Variants in CD69 observed in about 807,000 individuals in gnomAD.
CD69 encodes early activation antigen CD69.
A neutral mutation model predicts 21.4 loss-of-function variants in CD69; 10 were observed. The ratio of observed to expected loss-of-function variants is 0.47; its 90% CI spans 0.29 to 0.79. The LOEUF (loss-of-function observed/expected upper bound fraction) is 0.79. Among genes scored for constraint, CD69 ranks in the 30% least tolerant of loss-of-function variants. The probability of loss-of-function intolerance (pLI) is 0.09; values close to 1 mark genes in which losing one functional copy is unlikely to be tolerated. For missense variants in CD69, 204 were observed against 236.9 expected (o/e 0.86, Z 0.91); for synonymous variants, 63 against 78.2 (o/e 0.81, Z 1.03).
At chr12:9,755,895 A>G (rs1866675151) in intron 2 of CD69, 1 of 153,854 alleles carries the variant, frequency 6.5e-6, no homozygotes. Flanking sequence ...ATAAAACACA[A>G]AAGACTGGCC....
intron 2 of CD69, 23 bp downstream of exon 2, chr12:9,756,274 G>T (rs976248859): frequency 1.9e-6 from 3 of 1,596,696 alleles, no homozygotes; most frequent in African/African-American, 2.7e-5. Context: ...GGCTTTGAAA[G>T]AATTGATGAA....
rs763688311 is a variant in CD69 at position 9,754,639 on chromosome 12, T to A, written c.439A>T (p.Lys147Ter). ...CACTTCCATGGGTGACCAGGTTCCTTTTTCAGTCCAACCCAGTGTTCCTCT... is the reference window on the plus strand; with the variant it reads ...CACTTCCATGGGTGACCAGGTTCCTATTTCAGTCCAACCCAGTGTTCCTCT... ...GREEHWVGLK[K>*]EPGHPWKWSN... Residue 147 changes from lysine to a stop codon, truncating the protein, a stop_gained, in exon 4 of 5, where the codon AAG becomes TAG. Transcript: ENST00000228434. LOFTEE classifies it high-confidence loss of function. 6.2e-7 allele frequency: 1 copy of A among 1,613,248 alleles called. No homozygotes were observed. The highest frequency in any genetic ancestry group is 8.5e-7 in the Non-Finnish European group (1 of 1,179,204).
intron 1 of CD69, among the ~76,000 whole-genome samples, chr12:9,759,586 A>T (rs2160086): frequency 0.49 from 73,562 of 151,498 alleles, 18,207 homozygotes; most frequent in African/African-American, 0.57. Context: ...TTGCATTTGT[A>T]ATCCACACTA....
intron 1 of CD69, among the ~76,000 whole-genome samples, chr12:9,757,057 G>A (rs1866685681): frequency 6.6e-6 from 1 of 152,100 alleles, no homozygotes; most frequent in African/African-American, 2.4e-5. Context: ...TCTAACCTGA[G>A]TGACAGAGTG....
intron 1 of CD69, among the ~76,000 whole-genome samples, chr12:9,759,067 C>G (rs3136570): frequency 0.11 from 16,257 of 151,456 alleles, 874 homozygotes; most frequent in Middle Eastern, 0.18. Flanking sequence ...GTAGCTGGGA[C>G]TACAGGCGCC....
intron 4 of CD69, 116 bp from the exon 5 acceptor site, chr12:9,753,705 A>G (rs1866649827): frequency 2.0e-6 from 1 of 505,286 alleles, no homozygotes. Context: ...AGTGGGATAC[A>G]CAAGTCAAAT....
chr12:9,757,642 A>G (rs546190547), intron 1 of CD69, among the ~76,000 whole-genome samples: 104 of 152,378 alleles, frequency 6.8e-4, no homozygotes, highest in Non-Finnish European at 1.2e-3. Flanking sequence ...GTTGAGTGAA[A>G]AAAAATCCAG....
chr12:9,757,321 G>A (rs1866687740), intron 1 of CD69, among the ~76,000 whole-genome samples: 1 of 152,146 alleles, frequency 6.6e-6, no homozygotes, highest in Non-Finnish European at 1.5e-5. Context: ...TTATTGGTGG[G>A]AGAGTAAATT....
chr12:9,754,661 C>T lies in CD69; in HGVS notation c.417G>A (p.Glu139=). Residue 139 remains glutamate, a synonymous_variant, in exon 4 of 5, where the codon GAG becomes GAA. Coordinates refer to ENST00000228434, the MANE Select transcript of CD69 (RefSeq NM_001781.2). ...CCTTTTTCAGTCCAACCCAGTGTTCCTCTCTACCTGCGTATCGTTTTAGAA... is the reference window on the plus strand; with the variant it reads ...CCTTTTTCAGTCCAACCCAGTGTTCTTCTCTACCTGCGTATCGTTTTAGAA... The part of the protein sequence containing the change: ...MNFLKRYAGR[E]EHWVGLKKEP... The T allele has an allele frequency of 6.2e-7, 1 of 1,611,730 alleles. No individual in the cohort carries two copies. The highest frequency in any genetic ancestry group is 8.5e-7 in the Non-Finnish European group (1 of 1,177,836).
At chr12:9,758,581 G>T (rs1001010428) in intron 1 of CD69, among the ~76,000 whole-genome samples, 2 of 152,174 alleles carry the variant, frequency 1.3e-5, no homozygotes, top group Admixed American at 1.3e-4. Context: ...TCACAGATCG[G>T]CACTCAGATT....
At chr12:9,759,001 C>T (rs1170923056) in intron 1 of CD69, among the ~76,000 whole-genome samples, 1 of 152,020 alleles carries the variant, frequency 6.6e-6, no homozygotes, top group African/African-American at 2.4e-5. Flanking sequence ...GTGATCTCGG[C>T]TCACTGCAAG....
intron 3 of CD69, 47 bp downstream of exon 3, chr12:9,755,015 G>A (rs1205873330): frequency 1.4e-6 from 2 of 1,435,820 alleles, no homozygotes; most frequent in Non-Finnish European, 2.0e-6. Context: ...GCACTGATTA[G>A]CCATATGAAT....
At chr12:9,757,814 A>G (rs1866691592) in intron 1 of CD69, among the ~76,000 whole-genome samples, 1 of 152,234 alleles carries the variant, frequency 6.6e-6, no homozygotes, top group African/African-American at 2.4e-5. Context: ...GGTGATGGAA[A>G]GATTCAAATG....
chr12:9,756,966 G>C (rs1866684955), intron 1 of CD69, among the ~76,000 whole-genome samples: 1 of 152,148 alleles, frequency 6.6e-6, no homozygotes, highest in African/African-American at 2.4e-5. Flanking sequence ...TGTGTTCCCA[G>C]CTACTTGGGA....
rs1866640537 is a variant in CD69, at chr12:9,752,798, G to A, written c.*683C>T. 1.3e-5 allele frequency: 2 copies of A among 152,530 alleles called. No homozygotes were observed. The highest frequency in any genetic ancestry group is 6.5e-5 in the Admixed American group (1 of 15,270). The allele number at this position is 152,530 out of a possible 1,614,324, so 9.4% of individuals were successfully genotyped here. The stretch of plus-strand genomic sequence containing the variant: ...TTATGTCTTTTCTCTGTAAGACACT[G>A]TATAAAAGATTATAAAGGCAAAGAA... On this transcript the variant is annotated 3_prime_UTR_variant, in exon 5 of 5. Coordinates refer to ENST00000228434, the MANE Select transcript of CD69 (RefSeq NM_001781.2).
At chr12:9,756,947 G>A (rs1166071356) in intron 1 of CD69, among the ~76,000 whole-genome samples, 1 of 152,132 alleles carries the variant, frequency 6.6e-6, no homozygotes, top group East Asian at 1.9e-4. Flanking sequence ...GGTCATGGTG[G>A]CACGCACTTG....
rs372400857 is a variant in CD69, at chr12:9,754,673, G to A, written c.405C>T (p.Tyr135=). 11 of 1,608,208 alleles carry A rather than the reference G, an allele frequency of 6.8e-6. No individual in the cohort carries two copies. Among genetic ancestry groups the A allele is most frequent in the African/African-American group, 6.7e-5 (5 of 74,764 alleles). ...CAACCCAGTGTTCCTCTCTACCTGCGTATCGTTTTAGAAAGTTCTTAAAGA... is the reference window on the plus strand; with the variant it reads ...CAACCCAGTGTTCCTCTCTACCTGCATATCGTTTTAGAAAGTTCTTAAAGA... ...SEKDMNFLKR[Y]AGREEHWVGL... is the part of the protein sequence containing the mutation. The change falls in exon 4 of 5, where the codon TAC becomes TAT. Residue 135 remains tyrosine (Y), a synonymous_variant. Transcript: ENST00000228434.
chr12:9,755,507 C>T (rs1261768206), intron 2 of CD69, among the ~76,000 whole-genome samples: 1 of 152,116 alleles, frequency 6.6e-6, no homozygotes, highest in Non-Finnish European at 1.5e-5. Flanking sequence ...GTCATAATGT[C>T]AGAAAATGAC....
chr12:9,754,436 A>G (rs1866658924), intron 4 of CD69, 151 bp downstream of exon 4: 1 of 545,924 alleles, frequency 1.8e-6, no homozygotes, highest in African/African-American at 1.9e-5. Context: ...GCCTGTTATT[A>G]AAGAATTCCA....
Sources: allele counts gnomAD v4.1 joint callset (sites outside exome capture counted in the v4.1 genomes callset), GRCh38; gene constraint gnomAD v4.1.1; transcripts MANE v1.5; gene names NCBI Gene and HGNC (gene_info 2026-07-23, HGNC 2026-07-21).